The following ARFGEF3 variants were observed in gnomAD, a reference collection of about 807,000 sequenced individuals.
ARFGEF3 encodes the protein brefeldin A-inhibited guanine nucleotide-exchange protein 3.
A neutral mutation model predicts 221.7 loss-of-function variants in ARFGEF3; 96 were observed. The ratio of observed to expected loss-of-function variants is 0.43; its 90% confidence interval spans 0.37 to 0.51. The LOEUF (loss-of-function observed/expected upper bound fraction) is 0.51, where lower values mean the gene tolerates loss of function less well. Among genes scored for constraint, ARFGEF3 ranks in the 20% least tolerant of loss-of-function variants. The probability of loss-of-function intolerance (pLI) is 0.00; values close to 1 mark genes in which losing one functional copy is unlikely to be tolerated. For synonymous variants in ARFGEF3, 1,145 were observed against 1,126.8 expected (o/e 1.02, Z -0.32); for missense variants, 2,410 against 2,789.9 (o/e 0.86, Z 3.07).
rs751293007 is a variant in ARFGEF3 at position 138,262,778 on chromosome 6, C to A, written c.1295C>A (p.Thr432Asn). Residue 432 changes from threonine (T) to asparagine (N), a missense_variant, in exon 12 of 34, where the codon ACC becomes AAC. Thr to Asn is a moderately conservative substitution (Grantham distance 65). This residue lies in a region of ARFGEF3 where 570 missense variants were observed against 586.9 expected (regional missense o/e 0.97). Coordinates refer to ENST00000251691, the MANE Select transcript of ARFGEF3 (RefSeq NM_020340.5). Reference sequence around the variant, plus strand: ...TATGCAGCCGTGTCCTGTGTCTGCACCTTGCTGGGTGCCCTGGATGAGCTC... The same window carrying A: ...TATGCAGCCGTGTCCTGTGTCTGCAACTTGCTGGGTGCCCTGGATGAGCTC... ...ACYAAVSCVCTLLGALDELSQ... is the reference protein window; with the variant it reads ...ACYAAVSCVCNLLGALDELSQ... The A allele has an allele frequency of 1.2e-6, 2 of 1,614,026 alleles. No homozygotes were observed. Among genetic ancestry groups the A allele is most frequent in the Non-Finnish European group, 1.7e-6 (2 of 1,179,900 alleles).
Position 138,263,494 on chromosome 6 carries a change from C to T in ARFGEF3, c.2011C>T (p.His671Tyr), listed in dbSNP as rs1396229055. 6 of 1,613,752 alleles carry T rather than the reference C, an allele frequency of 3.7e-6. No individual in the cohort carries two copies. In the African/African-American group the frequency reaches 8.0e-5, roughly 22 times the overall value. Residue 671 changes from histidine (H) to tyrosine (Y), a missense_variant, in exon 12 of 34, where the codon CAC (histidine) becomes TAC (tyrosine). His to Tyr is a moderately conservative substitution (Grantham distance 83). Around this residue, in one of 5 missense-constraint regions of ARFGEF3, gnomAD observed 594 missense variants for 734.3 expected, o/e 0.81. Coordinates refer to ENST00000251691, the MANE Select transcript of ARFGEF3 (RefSeq NM_020340.5). ...KLLKNQEADQHSARLFIQSLE... is the reference protein window; with the variant it reads ...KLLKNQEADQYSARLFIQSLE... ...GCTGAAGAACCAGGAGGCGGATCAG[C>T]ACAGCGCCAGGCTGTTCATACAGTC...
intron 8 of ARFGEF3, among the ~76,000 whole-genome samples, chr6:138,248,649 A>AC (rs1274488706): frequency 1.3e-5 from 2 of 151,928 alleles, no homozygotes; most frequent in Non-Finnish European, 2.9e-5. Flanking sequence ...ACATGGTGAA[A>AC]CCCCATCTCT....
chr6:138,344,258 C>T lies in ARFGEF3; in HGVS notation c.*7772C>T, dbSNP rs1256550758. Reference sequence around the variant, plus strand: ...GATTTGAGTCAGTATACCATTTTACCTATAAAATGCAAAATTCATCCTTGC... The same window carrying T: ...GATTTGAGTCAGTATACCATTTTACTTATAAAATGCAAAATTCATCCTTGC... On this transcript the variant is annotated 3_prime_UTR_variant, in exon 34 of 34. Transcript: ENST00000251691. 6.6e-6 allele frequency: 1 copy of T among 152,076 alleles called. No individual in the cohort carries two copies. Among genetic ancestry groups the T allele is most frequent in the African/African-American group, 2.4e-5 (1 of 41,394 alleles). 9.4% of individuals were successfully genotyped at this position (152,076 alleles called of 1,614,324 possible). A position where few individuals can be genotyped will look rare whatever the true frequency, so the allele number is the denominator to read the frequency against.
Position 138,263,297 on chromosome 6 carries a change from G to A in ARFGEF3, c.1814G>A (p.Arg605Lys), listed in dbSNP as rs1392473720. The change falls in exon 12 of 34, where the codon AGG becomes AAG. Residue 605 changes from arginine (R) to lysine (K), a missense_variant. Physicochemically the swap from Arg to Lys is conservative, Grantham distance 26. This residue lies in a region of ARFGEF3 where 594 missense variants were observed against 734.3 expected (regional missense o/e 0.81). Coordinates refer to ENST00000251691, the MANE Select transcript of ARFGEF3 (RefSeq NM_020340.5). ...AGCGTTGATGACCAAGACCTTTCTAGGACAGAGTTTGATTCCTGTGATCAG... is the reference window on the plus strand; with the variant it reads ...AGCGTTGATGACCAAGACCTTTCTAAGACAGAGTTTGATTCCTGTGATCAG... ...NFSVDDQDLS[R>K]TEFDSCDQYS... 6.2e-7 allele frequency: 1 copy of A among 1,613,976 alleles called. No homozygotes were observed. Among genetic ancestry groups the A allele is most frequent in the East Asian group, 2.2e-5 (1 of 44,886 alleles).
At chr6:138,181,771 A>C (rs1777083779) in intron 2 of ARFGEF3, among the ~76,000 whole-genome samples, 1 of 152,204 alleles carries the variant, frequency 6.6e-6, no homozygotes. Flanking sequence ...GAATGAAGGT[A>C]GGATTTTTGC....
chr6:138,252,040 C>T (rs1371705802), intron 8 of ARFGEF3, among the ~76,000 whole-genome samples: 1 of 151,750 alleles, frequency 6.6e-6, no homozygotes, highest in African/African-American at 2.4e-5. Flanking sequence ...TCTTACTCTT[C>T]CTCCATCCAT....
intron 8 of ARFGEF3, among the ~76,000 whole-genome samples, chr6:138,252,670 C>T (rs1208997057): frequency 6.6e-6 from 1 of 152,216 alleles, no homozygotes; most frequent in Non-Finnish European, 1.5e-5. Flanking sequence ...GACTTCCTGA[C>T]TTCCTTTGGA....
intron 2 of ARFGEF3, among the ~76,000 whole-genome samples, chr6:138,184,740 T>C (rs1777149508): frequency 6.6e-6 from 1 of 152,220 alleles, no homozygotes; most frequent in African/African-American, 2.4e-5. Context: ...TGTGTTCTGT[T>C]TCCATTTTTA....
chr6:138,167,975 TGA>T (rs1427269384), intron 1 of ARFGEF3, among the ~76,000 whole-genome samples: 1 of 152,190 alleles, frequency 6.6e-6, no homozygotes, highest in African/African-American at 2.4e-5. Flanking sequence ...GAGACCCTCA[TGA>T]GAGAGAGGGG....
chr6:138,208,864 G>C (rs1363312458), intron 3 of ARFGEF3, among the ~76,000 whole-genome samples: 1 of 152,202 alleles, frequency 6.6e-6, no homozygotes, highest in Non-Finnish European at 1.5e-5. Flanking sequence ...GGAGGAGCCT[G>C]AGGAGGTTTA....
At chr6:138,205,053 C>G (rs1326391208) in intron 2 of ARFGEF3, among the ~76,000 whole-genome samples, 2 of 152,290 alleles carry the variant, frequency 1.3e-5, no homozygotes, top group East Asian at 3.9e-4. Flanking sequence ...ATAAGGATTT[C>G]AAGGGCTAAT....
At chr6:138,171,909 G>C in intron 2 of ARFGEF3, among the ~76,000 whole-genome samples, 1 of 152,052 alleles carries the variant, frequency 6.6e-6, no homozygotes, top group South Asian at 2.1e-4. Context: ...CACTTGGGCT[G>C]TTTCCAGGGT....
At chr6:138,221,089 C>A (rs1045834082) in intron 4 of ARFGEF3, among the ~76,000 whole-genome samples, 14 of 152,156 alleles carry the variant, frequency 9.2e-5, no homozygotes, top group African/African-American at 3.1e-4. Flanking sequence ...GGCTGACTTA[C>A]AATTGCTGCA....
At chr6:138,327,985 T>C (rs1187752625) in intron 31 of ARFGEF3, 36 bp from the exon 32 acceptor site, 1 of 1,541,412 alleles carries the variant, frequency 6.5e-7, no homozygotes, top group East Asian at 2.5e-5. Flanking sequence ...CAGAGGACAC[T>C]GGAGTTCTGA....
intron 27 of ARFGEF3, among the ~76,000 whole-genome samples, chr6:138,317,962 A>G (rs1779955840): frequency 6.6e-6 from 1 of 152,196 alleles, no homozygotes; most frequent in African/African-American, 2.4e-5. Flanking sequence ...GAATTAATCA[A>G]TTTTAGTATA....
intron 32 of ARFGEF3, among the ~76,000 whole-genome samples, chr6:138,332,708 G>GAATATACTT (rs1290953038): frequency 3.3e-5 from 5 of 152,150 alleles, no homozygotes; most frequent in Non-Finnish European, 5.9e-5. Context: ...ACAACATTAT[G>GAATATACTT]AATATACTTA....
At chr6:138,281,584 C>A (rs1388412756) in intron 14 of ARFGEF3, among the ~76,000 whole-genome samples, 1 of 152,204 alleles carries the variant, frequency 6.6e-6, no homozygotes, top group Non-Finnish European at 1.5e-5. Flanking sequence ...TCTGTTCCTG[C>A]ATTAACTCGT....
chr6:138,185,294 A>G (rs573119895), intron 2 of ARFGEF3, among the ~76,000 whole-genome samples: 2 of 152,330 alleles, frequency 1.3e-5, no homozygotes, highest in Middle Eastern at 3.4e-3. Context: ...AAAGATAGAA[A>G]GGGCCTCCTG....
intron 10 of ARFGEF3, among the ~76,000 whole-genome samples, chr6:138,259,545 T>A (rs1583036112): frequency 1.3e-5 from 2 of 152,316 alleles, no homozygotes; most frequent in Non-Finnish European, 2.9e-5. Flanking sequence ...GATTAAAACA[T>A]CTTTCGTTTT....
Sources: allele counts gnomAD v4.1 joint callset (sites outside exome capture counted in the v4.1 genomes callset), GRCh38; gene constraint gnomAD v4.1.1; regional missense constraint gnomAD v4.1.1; transcripts MANE v1.5; gene names NCBI Gene and HGNC (gene_info 2026-07-23, HGNC 2026-07-21).